AADACL2: variants seen among roughly 807,000 people sequenced by gnomAD.
AADACL2 encodes arylacetamide deacetylase-like 2.
AADACL2 carries 23 observed loss-of-function variants against 22.3 expected under a neutral mutation model. The ratio of observed to expected loss-of-function variants is 1.03; its 90% CI spans 0.74 to 1.46. AADACL2 has a LOEUF of 1.46. Ranked by LOEUF, AADACL2 falls within the 40% of genes most tolerant of loss-of-function variation. The pLI is 0.00. For missense variants in AADACL2, 472 were observed against 482.9 expected, an observed-to-expected ratio of 0.98 and a Z score of 0.21; for synonymous variants, 177 against 166.2, an observed-to-expected ratio of 1.07 and a Z score of -0.50.
In AADACL2 at chr3:151,758,511, T is replaced by A. The variant is rs866638798; in HGVS notation, c.*917T>A. ...TAGTTATCTTTTGGGAGGCCATTTT[T>A]AAAAATATTTTTTAAAGGAGGCAGC... On this transcript the variant is annotated 3_prime_UTR_variant, in exon 5 of 5. Transcript: ENST00000356517. The A allele has an allele frequency of 2.5e-5, 2 of 79,102 alleles. No homozygotes were observed. Among genetic ancestry groups the A allele is most frequent in the African/African-American group, 5.8e-5 (1 of 17,372 alleles). 4.9% of individuals were successfully genotyped at this position (79,102 alleles called of 1,614,324 possible).
rs1713940973 is a variant in AADACL2, at chr3:151,757,005, C to A, written c.617C>A (p.Ala206Asp). 1.3e-6 allele frequency: 2 copies of A among 1,598,134 alleles called. No homozygotes were observed. The highest frequency in any genetic ancestry group is 1.1e-5 in the South Asian group (1 of 89,872). Reference sequence around the variant, plus strand: ...ATATATTTTCAGGTGCAGAATGATGCTGAAATAAAACATAAAATCAAGATG... The same window carrying A: ...ATATATTTTCAGGTGCAGAATGATGATGAAATAAAACATAAAATCAAGATG... The part of the protein sequence containing the change: ...TAVTQQVQND[A>D]EIKHKIKMQV... Residue 206 changes from alanine (A) to aspartate (D), a missense_variant, in exon 5 of 5, where the codon GCT becomes GAT. By Grantham distance (126) the Ala-to-Asp change is moderately radical. This residue lies in a region of AADACL2 where 356 missense variants were observed against 365.5 expected (regional missense o/e 0.97). Transcript: ENST00000356517.
At chr3:151,747,693 A>G (rs1257209264) in intron 4 of AADACL2, among the ~76,000 whole-genome samples, 1 of 151,774 alleles carries the variant, frequency 6.6e-6, no homozygotes, top group Non-Finnish European at 1.5e-5. Context: ...CGGCTGACAA[A>G]CAGTTTGATT....
intron 4 of AADACL2, 50 bp from the exon 5 acceptor site, chr3:151,756,942 C>T (rs1016843916): frequency 2.5e-5 from 38 of 1,494,926 alleles, no homozygotes; most frequent in African/African-American, 5.6e-5. Flanking sequence ...TTTTTTTCTC[C>T]TGGTATTTTG....
Position 151,734,120 on chromosome 3 carries a change from G to A in AADACL2, c.85G>A (p.Glu29Lys), listed in dbSNP as rs757464185. ...FYTPMPDNIE[E>K]SWKIMALDAI... ...CACACCCATGCCAGACAACATTGAA[G>A]AAAGCTGGAAAATAATGGCCTTGGA... Residue 29 changes from glutamate to lysine, a missense_variant, in exon 1 of 5, where the codon GAA becomes AAA. Glu to Lys is a moderately conservative substitution (Grantham distance 56). Transcript: ENST00000356517. The A allele has an allele frequency of 6.2e-7, 1 of 1,613,538 alleles. No homozygotes were observed. The highest frequency in any genetic ancestry group is 1.1e-5 in the South Asian group (1 of 91,034).
intron 1 of AADACL2, 118 bp from the exon 2 acceptor site, chr3:151,740,528 A>C (rs1713243634): frequency 3.1e-6 from 2 of 641,578 alleles, no homozygotes; most frequent in African/African-American, 3.7e-5. Flanking sequence ...ATTTTTAAAT[A>C]GTCTATTTCT....
intron 4 of AADACL2, among the ~76,000 whole-genome samples, chr3:151,747,507 A>G (rs183855461): frequency 1.3e-5 from 2 of 152,040 alleles, no homozygotes; most frequent in East Asian, 1.9e-4. Context: ...ATTATGCAAT[A>G]TTTGTCTGAC....
intron 1 of AADACL2, 147 bp from the exon 2 acceptor site, chr3:151,740,499 A>G: frequency 3.4e-6 from 2 of 595,370 alleles, no homozygotes; most frequent in Non-Finnish European, 5.6e-6. Flanking sequence ...AGATCTTTAC[A>G]GTATTATTTG....
chr3:151,757,484 A>G lies in AADACL2; in HGVS notation c.1096A>G (p.Ile366Val). ...TGGAGTCCAAGTTGTTCATGAACAT[A>G]TTGAGGATGGAATTCATGGAGCTTT... ...NVGVQVVHEHIEDGIHGALSF... is the reference protein window; with the variant it reads ...NVGVQVVHEHVEDGIHGALSF... Residue 366 changes from isoleucine (I) to valine (V), a missense_variant, in exon 5 of 5, where the codon ATT becomes GTT. By Grantham distance (29) the Ile-to-Val change is conservative (BLOSUM62 3). Around this residue, in one of 3 missense-constraint regions of AADACL2, gnomAD observed 113 missense variants for 100.9 expected, o/e 1.12. Transcript: ENST00000356517. 2 of 1,613,662 alleles carry G rather than the reference A, an allele frequency of 1.2e-6. No individual in the cohort carries two copies. The highest frequency in any genetic ancestry group is 1.1e-5 in the South Asian group (1 of 91,064).
In AADACL2 at chr3:151,751,569, C is replaced by A. The variant is rs554870858; in HGVS notation, c.604-5423C>A. 5.9e-5 allele frequency: 9 copies of A among 152,272 alleles called. No individual in the cohort carries two copies. The South Asian group carries it at 1.7e-3, about 28-fold the overall frequency. 9.4% of individuals were successfully genotyped at this position (152,272 alleles called of 1,614,324 possible). On this transcript the variant is annotated intron_variant, in intron 4 of 4. Transcript: ENST00000356517. ...TAGTGGTACACTCCTGTAGTCCCAG[C>A]AACTCAATAGACTGAGGCAGGAGGA...
At position 151,757,792 on chromosome 3, in the gene AADACL2, C is replaced by T. The variant is rs1175353186; in HGVS notation, c.*198C>T. 9 of 448,084 alleles carry T rather than the reference C, an allele frequency of 2.0e-5. No homozygotes were observed. In the East Asian group the frequency reaches 3.4e-4, roughly 17 times the overall value. The allele number at this position is 448,084 out of a possible 1,614,324, so 27.8% of individuals were successfully genotyped here. On this transcript the variant is annotated 3_prime_UTR_variant, in exon 5 of 5. Coordinates refer to ENST00000356517, the MANE Select transcript of AADACL2 (RefSeq NM_207365.4). ...AATATGTAAAATGTATGTAATCCTGCCTATTTTCTCCTTACTTATAATTTA... is the reference window on the plus strand; with the variant it reads ...AATATGTAAAATGTATGTAATCCTGTCTATTTTCTCCTTACTTATAATTTA...
At position 151,756,965 on chromosome 3, in the gene AADACL2, T is replaced by A. The variant is rs201772248; in HGVS notation, c.604-27T>A. The A allele has an allele frequency of 4.7e-5, 73 of 1,542,868 alleles. 1 individual carries two copies. In the Admixed American group the frequency reaches 1.5e-3, roughly 31 times the overall value. ...TCCTGGTATTTTGGAAATGTTTGCATTACAGAATATTACCATATATTTTCA... is the reference window on the plus strand; with the variant it reads ...TCCTGGTATTTTGGAAATGTTTGCAATACAGAATATTACCATATATTTTCA... On this transcript the variant is annotated intron_variant, in intron 4 of 4. Transcript: ENST00000356517.
intron 2 of AADACL2, among the ~76,000 whole-genome samples, 191 bp downstream of exon 2, chr3:151,741,059 A>G (rs546843052): frequency 1.3e-5 from 2 of 152,214 alleles, no homozygotes; most frequent in Admixed American, 6.5e-5. Context: ...AACTAATATT[A>G]TGGGGATTTT....
At position 151,736,302 on chromosome 3, in the gene AADACL2, CTTTT is replaced by C. The variant is rs10575713; in HGVS notation, c.138+2141_138+2144del. On this transcript the variant is annotated intron_variant, in intron 1 of 4. Transcript: ENST00000356517. ...TCCTTTTTTATATACAAGGATTTATCTTTTTTTTTTTTTTTGTCTTTTACTTCAA... is the reference window on the plus strand; with the variant it reads ...TCCTTTTTTATATACAAGGATTTATCTTTTTTTTTTTGTCTTTTACTTCAA... 1.8e-3 allele frequency among the ~76,000 whole-genome samples: 247 copies of C among 138,414 alleles called. 2 individuals are homozygous for C. Among genetic ancestry groups the C allele is most frequent in the Non-Finnish European group, 2.6e-3 (165 of 63,482 alleles). 90.8% of individuals were successfully genotyped at this position (138,414 alleles called of 152,430 possible).
At chr3:151,755,940 G>C (rs1294391354) in intron 4 of AADACL2, among the ~76,000 whole-genome samples, 1 of 152,024 alleles carries the variant, frequency 6.6e-6, no homozygotes. Flanking sequence ...ACTTTGTTTT[G>C]GCTCATTTTC....
intron 1 of AADACL2, 148 bp downstream of exon 1, chr3:151,734,321 A>C: frequency 4.2e-6 from 4 of 949,714 alleles, no homozygotes; most frequent in Non-Finnish European, 6.0e-6. Flanking sequence ...AACAACATTA[A>C]GTAAATAAAA....
At position 151,759,906 on chromosome 3, in the gene AADACL2, C is replaced by T. The variant is rs1264581057; in HGVS notation, c.*2312C>T. On this transcript the variant is annotated 3_prime_UTR_variant, in exon 5 of 5. Coordinates refer to ENST00000356517, the MANE Select transcript of AADACL2 (RefSeq NM_207365.4). ...AGTTTGGAAACAACTGAATGAAAGTCGTCTGTTATAATGTATTTTACTTTA... is the reference window on the plus strand; with the variant it reads ...AGTTTGGAAACAACTGAATGAAAGTTGTCTGTTATAATGTATTTTACTTTA... 6.6e-6 allele frequency: 1 copy of T among 152,030 alleles called. No individual in the cohort carries two copies. Among genetic ancestry groups the T allele is most frequent in the South Asian group, 2.1e-4 (1 of 4,818 alleles). 9.4% of individuals were successfully genotyped at this position (152,030 alleles called of 1,614,324 possible).
intron 4 of AADACL2, among the ~76,000 whole-genome samples, chr3:151,753,506 T>A (rs1181724869): frequency 6.6e-6 from 1 of 152,154 alleles, no homozygotes; most frequent in Non-Finnish European, 1.5e-5. Context: ...TTCTTCATGG[T>A]GGTTCATAGT....
At chr3:151,756,803 C>T (rs1251933900) in intron 4 of AADACL2, among the ~76,000 whole-genome samples, 189 bp from the exon 5 acceptor site, 1 of 151,158 alleles carries the variant, frequency 6.6e-6, no homozygotes, top group Non-Finnish European at 1.5e-5. Flanking sequence ...TTTTTTAAAA[C>T]CTTAAATTTA....
chr3:151,745,652 G>A lies in AADACL2; in HGVS notation c.575G>A (p.Gly192Asp), dbSNP rs375247147. Residue 192 changes from glycine (G) to aspartate (D), a missense_variant, in exon 4 of 5, where the codon GGC becomes GAC. Gly to Asp is a moderately conservative substitution (Grantham distance 94, BLOSUM62 -1). Around this residue, in one of 3 missense-constraint regions of AADACL2, gnomAD observed 356 missense variants for 365.5 expected, o/e 0.97. Transcript: ENST00000356517. ...RICIAGDSSG[G>D]NLATAVTQQV... ...TGCATTGCGGGAGACAGTTCTGGGG[G>A]CAATTTAGCAACAGCGGTCACTCAA... 8 of 1,610,230 alleles carry A rather than the reference G, an allele frequency of 5.0e-6. No individual in the cohort carries two copies. The highest frequency in any genetic ancestry group is 6.8e-6 in the Non-Finnish European group (8 of 1,178,638).
Sources: allele counts gnomAD v4.1 joint callset (sites outside exome capture counted in the v4.1 genomes callset), GRCh38; gene constraint gnomAD v4.1.1; regional missense constraint gnomAD v4.1.1; transcripts MANE v1.5; gene names NCBI Gene and HGNC (gene_info 2026-07-23, HGNC 2026-07-21).